Variants in UGT2B15 observed in about 807,000 individuals in gnomAD.
UGT2B15 encodes UDP-glucuronosyltransferase 2B15.
In UGT2B15, 36 loss-of-function variants were observed where a neutral mutation model predicts 45.9. That is an observed-to-expected ratio of 0.78 (90% CI 0.60 to 1.04). The LOEUF (loss-of-function observed/expected upper bound fraction) is 1.04. Ranked by LOEUF, UGT2B15 falls within the 50% of genes least tolerant of loss-of-function variation. The pLI is 0.00. For synonymous variants in UGT2B15, 219 were observed against 216.4 expected (o/e 1.01, Z -0.11); for missense variants, 617 against 622.4 (o/e 0.99, Z 0.09).
chr4:68,668,013 A>G (rs752061894), intron 2 of UGT2B15, 27 bp downstream of exon 2: 1 of 1,611,242 alleles, frequency 6.2e-7, no homozygotes, highest in Non-Finnish European at 8.5e-7. Flanking sequence ...AATGTCAAGC[A>G]AACAAATGAA....
intron 5 of UGT2B15, among the ~76,000 whole-genome samples, chr4:68,649,056 C>T (rs1732571493): frequency 1.3e-5 from 2 of 151,890 alleles, no homozygotes; most frequent in South Asian, 2.1e-4. Flanking sequence ...GAGAAAGGCA[C>T]ATTTATAATT....
Position 68,647,215 on chromosome 4 carries a change from C to G in UGT2B15, c.1482G>C (p.Val494=). Residue 494 remains valine (V), a synonymous_variant, in exon 6 of 6, where the codon GTG becomes GTC. Coordinates refer to ENST00000338206, the MANE Select transcript of UGT2B15 (RefSeq NM_001076.4). ...CCACGCAGGCCAGCAGGAATGCTAT[C>G]ACATCCAAAGAGTGGTACTGGATCC... ...LTWIQYHSLD[V]IAFLLACVAT... is the part of the protein sequence containing the mutation. 3 of 1,613,930 alleles carry G rather than the reference C, an allele frequency of 1.9e-6. No individual in the cohort carries two copies. The African/African-American group carries it at 4.0e-5, about 22-fold the overall frequency.
chr4:68,669,732 G>A (rs1174861658), intron 1 of UGT2B15, among the ~76,000 whole-genome samples, 163 bp downstream of exon 1: 1 of 151,990 alleles, frequency 6.6e-6, no homozygotes, highest in Non-Finnish European at 1.5e-5. Flanking sequence ...ATTCTATAAG[G>A]TCAACATTCT....
At position 68,669,323 on chromosome 4, in the gene UGT2B15, A is replaced by G. The variant is rs994780551; in HGVS notation, c.724+572T>C. On this transcript the variant is annotated intron_variant, in intron 1 of 5. Coordinates refer to ENST00000338206, the MANE Select transcript of UGT2B15 (RefSeq NM_001076.4). ...CAAGATTTCAGTTTTTGAAAGAAAT[A>G]ATTGTCAACCTGTTATTGAAGGAAT... Among the ~76,000 whole-genome samples, 5 of 152,170 alleles carry G rather than the reference A, an allele frequency of 3.3e-5. 1 individual carries two copies. Among genetic ancestry groups the G allele is most frequent in the African/African-American group, 1.2e-4 (5 of 41,434 alleles).
intron 5 of UGT2B15, among the ~76,000 whole-genome samples, chr4:68,651,574 T>C (rs1341789172): frequency 6.6e-6 from 1 of 152,066 alleles, no homozygotes; most frequent in Non-Finnish European, 1.5e-5. Context: ...AGGGATCCAG[T>C]GGCAGTTTTC....
rs1462310656 is a variant in UGT2B15 at position 68,655,201 on chromosome 4, T to C, written c.1006-19A>G. ...ATAGAACCTGTTAGGGCAAGGAAAA[T>C]ATCTTGTTCAATGAATAGAACTCTA... On this transcript the variant is annotated intron_variant, in intron 3 of 5. Transcript: ENST00000338206. The C allele has an allele frequency of 6.2e-7, 1 of 1,611,342 alleles. No homozygotes were observed. The highest frequency in any genetic ancestry group is 8.5e-7 in the Non-Finnish European group (1 of 1,178,140).
Position 68,646,945 on chromosome 4 carries a change from C to G in UGT2B15, c.*159G>C, listed in dbSNP as rs1292700714. 2 of 1,040,262 alleles carry G rather than the reference C, an allele frequency of 1.9e-6. No homozygotes were observed. The highest frequency in any genetic ancestry group is 3.2e-5 in the African/African-American group (2 of 62,454). 64.4% of individuals were successfully genotyped at this position (1,040,262 alleles called of 1,614,324 possible). ...GACATAGAATAATTCAGCTAAAGTA[C>G]GTATTAAATCCCTGGAAAATAAATT... On this transcript the variant is annotated 3_prime_UTR_variant, in exon 6 of 6. Coordinates refer to ENST00000338206, the MANE Select transcript of UGT2B15 (RefSeq NM_001076.4).
intron 3 of UGT2B15, among the ~76,000 whole-genome samples, chr4:68,655,602 CA>C (rs1732780783): frequency 6.6e-6 from 1 of 152,022 alleles, no homozygotes; most frequent in Non-Finnish European, 1.5e-5. Context: ...ATCAGAAACT[CA>C]AAGGAATTCA....
intron 3 of UGT2B15, among the ~76,000 whole-genome samples, chr4:68,661,406 C>G (rs2109830328): frequency 6.6e-6 from 1 of 151,946 alleles, no homozygotes; most frequent in South Asian, 2.1e-4. Context: ...ATGAAATATT[C>G]AAATATTTAA....
At chr4:68,649,273 CTTTTTTTTTTTTTT>C (rs71218976) in intron 5 of UGT2B15, among the ~76,000 whole-genome samples, 5 of 93,260 alleles carry the variant, frequency 5.4e-5, no homozygotes, top group African/African-American at 1.6e-4. Flanking sequence ...TTCATATAAT[CTTTTTTTTTTTTTT>C]TTTTTTTTTT....
intron 3 of UGT2B15, among the ~76,000 whole-genome samples, chr4:68,659,137 A>G (rs569758518): frequency 1.3e-5 from 2 of 152,176 alleles, no homozygotes; most frequent in Admixed American, 6.5e-5. Context: ...TTTGAAAAAC[A>G]AAGTTATTTG....
At chr4:68,651,297 A>C (rs1313562196) in intron 5 of UGT2B15, among the ~76,000 whole-genome samples, 1 of 152,104 alleles carries the variant, frequency 6.6e-6, no homozygotes, top group African/African-American at 2.4e-5. Flanking sequence ...TTTACATTTA[A>C]GTCTTTAATC....
At chr4:68,667,994 C>G in intron 2 of UGT2B15, 46 bp downstream of exon 2, 1 of 1,606,476 alleles carries the variant, frequency 6.2e-7, no homozygotes, top group Non-Finnish European at 8.5e-7. Context: ...TCCAGCCATT[C>G]CTTCTGAAAA....
rs1732487060 is a variant in UGT2B15 at position 68,646,830 on chromosome 4, G to C, written c.*274C>G. ...ATGTATACATGTGCCATGTTGGCGT[G>C]CTGCATCCAGTAACTCGTCATTTAA... On this transcript the variant is annotated 3_prime_UTR_variant, in exon 6 of 6. Coordinates refer to ENST00000338206, the MANE Select transcript of UGT2B15 (RefSeq NM_001076.4). 2 of 409,016 alleles carry C rather than the reference G, an allele frequency of 4.9e-6. No homozygotes were observed. Among genetic ancestry groups the C allele is most frequent in the Non-Finnish European group, 8.7e-6 (2 of 230,438 alleles). 25.3% of individuals were successfully genotyped at this position (409,016 alleles called of 1,614,324 possible). A position where few individuals can be genotyped will look rare whatever the true frequency, so the allele number is the denominator to read the frequency against.
At chr4:68,648,175 C>T (rs375414835) in intron 5 of UGT2B15, among the ~76,000 whole-genome samples, 1 of 152,078 alleles carries the variant, frequency 6.6e-6, no homozygotes, top group East Asian at 1.9e-4. Flanking sequence ...TGACACTCAC[C>T]TGTTAAGATT....
chr4:68,664,142 C>T (rs1733048696), intron 2 of UGT2B15, among the ~76,000 whole-genome samples: 1 of 151,966 alleles, frequency 6.6e-6, no homozygotes, highest in African/African-American at 2.4e-5. Context: ...ATATGAAGCT[C>T]CTGGTGAATA....
At chr4:68,655,265 C>G (rs1732771974) in intron 3 of UGT2B15, 83 bp from the exon 4 acceptor site, 1 of 1,474,140 alleles carries the variant, frequency 6.8e-7, no homozygotes, top group Non-Finnish European at 9.4e-7. Context: ...GATTAATAAT[C>G]AGTTAGTTAA....
chr4:68,652,929 G>T (rs1281369098), intron 5 of UGT2B15, among the ~76,000 whole-genome samples: 1 of 152,066 alleles, frequency 6.6e-6, no homozygotes, highest in East Asian at 1.9e-4. Flanking sequence ...AACATCTTCA[G>T]CCATAAGGAA....
intron 5 of UGT2B15, among the ~76,000 whole-genome samples, chr4:68,648,880 G>A (rs946718508): frequency 6.6e-6 from 1 of 152,002 alleles, no homozygotes; most frequent in African/African-American, 2.4e-5. Context: ...TCAGTTGATT[G>A]ACAAAGACCA....
Sources: allele counts gnomAD v4.1 joint callset (sites outside exome capture counted in the v4.1 genomes callset), GRCh38; gene constraint gnomAD v4.1.1; transcripts MANE v1.5; gene names NCBI Gene and HGNC (gene_info 2026-07-23, HGNC 2026-07-21).